The following RBMS3 variants were observed in gnomAD, a reference collection of about 807,000 sequenced individuals.
RBMS3 encodes the protein RNA-binding motif, single-stranded-interacting protein 3.
In RBMS3, 27 loss-of-function variants were observed where a neutral mutation model predicts 66.8. The observed-to-expected ratio is 0.40, with a 90% CI of 0.30 to 0.56. The LOEUF (loss-of-function observed/expected upper bound fraction) is 0.56, where lower values mean the gene tolerates loss of function less well. RBMS3 is among the 20% of genes least tolerant of loss of function. The pLI is 0.40. For synonymous variants in RBMS3, 188 were observed against 183.0 expected (o/e 1.03, Z -0.22); for missense variants, 513 against 549.5 (o/e 0.93, Z 0.66).
chr3:29,546,399 A>G (rs1229868014), intron 3 of RBMS3, among the ~76,000 whole-genome samples: 2 of 152,054 alleles, frequency 1.3e-5, no homozygotes, highest in African/African-American at 4.8e-5. Flanking sequence ...GCCTCACAAC[A>G]CTTGCTATGT....
intron 1 of RBMS3, among the ~76,000 whole-genome samples, chr3:29,369,503 CACACACA>C (rs2038082548): frequency 6.7e-6 from 1 of 149,090 alleles, no homozygotes; most frequent in African/African-American, 2.5e-5. Flanking sequence ...CACACACACA[CACACACA>C]CACACACACA....
chr3:29,734,728 G>A (rs924508988), intron 4 of RBMS3, among the ~76,000 whole-genome samples: 6 of 152,022 alleles, frequency 3.9e-5, no homozygotes, highest in Admixed American at 6.6e-5. Flanking sequence ...TTGAGAGAAC[G>A]CATTTAAAAT....
intron 1 of RBMS3, among the ~76,000 whole-genome samples, chr3:29,336,545 G>A (rs1191958239): frequency 6.6e-6 from 1 of 152,028 alleles, no homozygotes; most frequent in Non-Finnish European, 1.5e-5. Context: ...ATTGCGGAAC[G>A]AAAGGATTAC....
intron 4 of RBMS3, among the ~76,000 whole-genome samples, chr3:29,701,437 G>T (rs549242653): frequency 6.6e-6 from 1 of 152,182 alleles, no homozygotes; most frequent in Admixed American, 6.5e-5. Flanking sequence ...GCCCTCGCTC[G>T]CCCTCGGTGC....
chr3:29,291,418 G>A (rs1018946068), intron 1 of RBMS3, among the ~76,000 whole-genome samples: 1 of 151,896 alleles, frequency 6.6e-6, no homozygotes, highest in Non-Finnish European at 1.5e-5. Flanking sequence ...TATTTCAAAA[G>A]CAGACACATT....
intron 5 of RBMS3, among the ~76,000 whole-genome samples, chr3:29,751,646 T>C (rs987939864): frequency 3.9e-5 from 6 of 152,194 alleles, no homozygotes; most frequent in Non-Finnish European, 8.8e-5. Flanking sequence ...AAGACAGCTA[T>C]TTTCACTAAA....
intron 8 of RBMS3, among the ~76,000 whole-genome samples, chr3:29,890,860 C>A (rs561066977): frequency 1.3e-5 from 2 of 151,256 alleles, no homozygotes; most frequent in Non-Finnish European, 1.5e-5. Flanking sequence ...TCACCGTTTA[C>A]GTTTTTATTT....
At chr3:29,901,641 CAT>C (rs759722453) in intron 10 of RBMS3, among the ~76,000 whole-genome samples, 20 of 151,706 alleles carry the variant, frequency 1.3e-4, no homozygotes, top group South Asian at 4.1e-4. Flanking sequence ...TGTGTGTGTA[CAT>C]GTGTGTGTGT....
intron 1 of RBMS3, among the ~76,000 whole-genome samples, chr3:29,340,524 C>T (rs1028520647): frequency 3.3e-5 from 5 of 152,140 alleles, no homozygotes; most frequent in South Asian, 2.1e-4. Flanking sequence ...ATCTCAAAAT[C>T]ATATGTGTTC....
At position 29,528,535 on chromosome 3, in the gene RBMS3, G is replaced by A. The variant is rs149232680; in HGVS notation, c.307+40036G>A. Among the ~76,000 whole-genome samples, 21 of 152,202 alleles carry A rather than the reference G, an allele frequency of 1.4e-4. No homozygotes were observed. The East Asian group carries it at 3.5e-3, about 25-fold the overall frequency. On this transcript the variant is annotated intron_variant, in intron 3 of 14. Transcript: ENST00000383767. The stretch of plus-strand genomic sequence containing the variant: ...AGTGTCTTTGATATGTCAGATGTTG[G>A]TCACTTAGAATGCTCCTGACCTTAG...
At chr3:29,758,524 G>A (rs1420814888) in intron 5 of RBMS3, among the ~76,000 whole-genome samples, 1 of 152,162 alleles carries the variant, frequency 6.6e-6, no homozygotes, top group East Asian at 1.9e-4. Flanking sequence ...GTAATGCTGA[G>A]CAAGATACCC....
intron 1 of RBMS3, among the ~76,000 whole-genome samples, chr3:29,423,758 TAA>T (rs2040839802): frequency 1.3e-5 from 2 of 152,246 alleles, no homozygotes; most frequent in South Asian, 4.1e-4. Flanking sequence ...TTTTTAAATT[TAA>T]GTTAATTTTA....
At chr3:29,990,106 A>G (rs1019361870) in intron 13 of RBMS3, among the ~76,000 whole-genome samples, 3 of 152,186 alleles carry the variant, frequency 2.0e-5, no homozygotes, top group African/African-American at 7.2e-5. Context: ...TTCATTCTCT[A>G]TGTGAAAACA....
chr3:29,833,872 C>T (rs141338691), intron 6 of RBMS3, among the ~76,000 whole-genome samples: 51 of 152,004 alleles, frequency 3.4e-4, no homozygotes, highest in African/African-American at 1.1e-3. Context: ...AGACTCACTA[C>T]GACACATTAA....
chr3:29,810,085 T>C (rs2057686614), intron 6 of RBMS3, among the ~76,000 whole-genome samples: 1 of 152,104 alleles, frequency 6.6e-6, no homozygotes, highest in Non-Finnish European at 1.5e-5. Flanking sequence ...TCTAAAGAAA[T>C]AGCATAGTTC....
intron 4 of RBMS3, among the ~76,000 whole-genome samples, chr3:29,661,265 T>G (rs1028341898): frequency 3.9e-5 from 6 of 152,190 alleles, no homozygotes; most frequent in Non-Finnish European, 5.9e-5. Context: ...GGAGACAAAT[T>G]CTTGATTCTT....
intron 1 of RBMS3, among the ~76,000 whole-genome samples, chr3:29,431,687 T>C (rs2041212823): frequency 6.6e-6 from 1 of 152,176 alleles, no homozygotes; most frequent in South Asian, 2.1e-4. Context: ...TGTTGGTCAA[T>C]GTGTGTTTGC....
chr3:29,572,925 T>C (rs1174227571), intron 3 of RBMS3, among the ~76,000 whole-genome samples: 5 of 152,180 alleles, frequency 3.3e-5, no homozygotes, highest in Admixed American at 1.3e-4. Flanking sequence ...CTTTTTATTA[T>C]GGATTCAATC....
intron 4 of RBMS3, among the ~76,000 whole-genome samples, chr3:29,637,005 G>T (rs1251040254): frequency 6.6e-6 from 1 of 151,828 alleles, no homozygotes; most frequent in Non-Finnish European, 1.5e-5. Flanking sequence ...TTCAGACCCA[G>T]GTTATTAGCA....
Sources: allele counts gnomAD v4.1 joint callset (sites outside exome capture counted in the v4.1 genomes callset), GRCh38; gene constraint gnomAD v4.1.1; transcripts MANE v1.5; gene names NCBI Gene and HGNC (gene_info 2026-07-23, HGNC 2026-07-21).